PCDHA12: variants seen among roughly 807,000 people sequenced by gnomAD.
The protein encoded by PCDHA12 is protocadherin alpha-12.
PCDHA12 carries 44 observed loss-of-function variants against 60.0 expected under a neutral mutation model. The observed-to-expected ratio is 0.73, with a 90% CI of 0.58 to 0.94. PCDHA12 has a LOEUF of 0.94. PCDHA12 is among the 40% of genes least tolerant of loss of function. The pLI is 0.00. For missense variants in PCDHA12, 1,276 were observed against 1,239.7 expected, an observed-to-expected ratio of 1.03 and a Z score of -0.44; for synonymous variants, 569 against 553.0, an observed-to-expected ratio of 1.03 and a Z score of -0.40.
Position 140,875,346 on chromosome 5 carries a change from T to A in PCDHA12, c.-127T>A. ...TCACGGAATAGGATCGACTCCATAATGACTGTGATGCTGGAAAAAATTTAC... is the reference window on the plus strand; with the variant it reads ...TCACGGAATAGGATCGACTCCATAAAGACTGTGATGCTGGAAAAAATTTAC... On this transcript the variant is annotated 5_prime_UTR_variant, in exon 1 of 4. The change abolishes an upstream ATG in the 5' untranslated region. Transcript: ENST00000398631. The A allele has an allele frequency of 6.9e-7, 1 of 1,443,436 alleles. No individual in the cohort carries two copies. Among genetic ancestry groups the A allele is most frequent in the Non-Finnish European group, 9.1e-7 (1 of 1,101,444 alleles). The allele number at this position is 1,443,436 out of a possible 1,614,324, so 89.4% of individuals were successfully genotyped here.
chr5:140,967,215 G>T (rs782646028), intron 1 of PCDHA12: 1 of 1,613,682 alleles, frequency 6.2e-7, no homozygotes, highest in Non-Finnish European at 8.5e-7. Context: ...CGTTTCCCGC[G>T]GCCCAACTAC....
intron 1 of PCDHA12, among the ~76,000 whole-genome samples, chr5:140,943,373 A>G (rs1554215633): frequency 6.6e-6 from 1 of 152,128 alleles, no homozygotes; most frequent in East Asian, 1.9e-4. Flanking sequence ...TCATTAAAAT[A>G]TACAGGTAAG....
At chr5:140,988,483 C>T (rs2097299555) in intron 3 of PCDHA12, among the ~76,000 whole-genome samples, 2 of 152,030 alleles carry the variant, frequency 1.3e-5, no homozygotes, top group African/African-American at 4.8e-5. Context: ...AATTAGCATC[C>T]CCTACCTAGG....
chr5:140,992,584 T>G (rs1327367703), intron 3 of PCDHA12, among the ~76,000 whole-genome samples: 1 of 152,194 alleles, frequency 6.6e-6, no homozygotes, highest in Non-Finnish European at 1.5e-5. Context: ...CTGCCTTGTA[T>G]GCATCTAGCG....
At chr5:140,952,479 A>C (rs246034) in intron 1 of PCDHA12, among the ~76,000 whole-genome samples, 85,668 of 152,018 alleles carry the variant, frequency 0.56, 24,767 homozygotes, top group African/African-American at 0.69. Flanking sequence ...GGAAAGTGAC[A>C]TTTGCTCCAG....
chr5:140,884,019 C>G, intron 1 of PCDHA12: 1 of 1,613,216 alleles, frequency 6.2e-7, no homozygotes. Flanking sequence ...ATGCCGCGGT[C>G]GGTGGGTGCA....
chr5:140,946,791 T>C (rs1019495660), intron 1 of PCDHA12, among the ~76,000 whole-genome samples: 4 of 151,326 alleles, frequency 2.6e-5, no homozygotes, highest in Non-Finnish European at 4.4e-5. Flanking sequence ...GCTGATCTTA[T>C]AGAAGCAGAG....
rs370307660 is a variant in PCDHA12 at position 140,924,901 on chromosome 5, A to T, written c.2367+47062A>T. On this transcript the variant is annotated intron_variant, in intron 1 of 3. Transcript: ENST00000398631. The stretch of plus-strand genomic sequence containing the variant: ...CAGAGCAAGAACCTGTCTCAAAAAA[A>T]AAAATAAAATAAAATAAAATAAAAT... Among the ~76,000 whole-genome samples, 368 of 80,482 alleles carry T rather than the reference A, an allele frequency of 4.6e-3. 1 individual carries two copies. Among genetic ancestry groups the T allele is most frequent in the East Asian group, 9.1e-3 (17 of 1,868 alleles). The allele number at this position is 80,482 out of a possible 152,430, so 52.8% of individuals were successfully genotyped here. A position where few individuals can be genotyped will look rare whatever the true frequency, so the allele number is the denominator to read the frequency against.
intron 1 of PCDHA12, among the ~76,000 whole-genome samples, chr5:140,923,931 A>T (rs1216808903): frequency 2.6e-5 from 4 of 152,118 alleles, no homozygotes; most frequent in Non-Finnish European, 4.4e-5. Flanking sequence ...CTCTGTATGC[A>T]TTTTTCCTTT....
chr5:140,972,660 AT>A (rs11350929), intron 1 of PCDHA12, among the ~76,000 whole-genome samples: 34,850 of 117,234 alleles, frequency 0.3, 4,025 homozygotes, highest in East Asian at 0.43. Context: ...AAGAAACCAA[AT>A]TTTTTTTTTT....
intron 1 of PCDHA12, among the ~76,000 whole-genome samples, chr5:140,912,273 A>G (rs551128589): frequency 1.3e-5 from 2 of 151,890 alleles, no homozygotes; most frequent in South Asian, 4.2e-4. Flanking sequence ...TCACAGATAT[A>G]CCCAGGAACA....
intron 1 of PCDHA12, among the ~76,000 whole-genome samples, chr5:140,915,164 G>T (rs782783727): frequency 2.6e-5 from 4 of 152,026 alleles, no homozygotes; most frequent in Non-Finnish European, 4.4e-5. Flanking sequence ...GGCCAGGATA[G>T]TCTCGATCTC....
intron 1 of PCDHA12, among the ~76,000 whole-genome samples, chr5:140,891,848 C>T (rs2063280221): frequency 6.6e-6 from 1 of 152,158 alleles, no homozygotes; most frequent in East Asian, 1.9e-4. Flanking sequence ...ATGGAAGGAG[C>T]CTGTCCCTCT....
intron 1 of PCDHA12, chr5:140,967,457 G>A: frequency 6.2e-7 from 1 of 1,613,614 alleles, no homozygotes; most frequent in Non-Finnish European, 8.5e-7. Context: ...CACAGCCGTG[G>A]ATGGGGGCAT....
At chr5:140,970,762 A>C (rs2096431667) in intron 1 of PCDHA12, among the ~76,000 whole-genome samples, 1 of 152,198 alleles carries the variant, frequency 6.6e-6, no homozygotes, top group Admixed American at 6.5e-5. Context: ...TCATTGACAT[A>C]TTGCTGTACA....
Position 140,875,394 on chromosome 5 carries a change from G to T in PCDHA12, c.-79G>T. 1 of 1,476,976 alleles carries T rather than the reference G, an allele frequency of 6.8e-7. No homozygotes were observed. The highest frequency in any genetic ancestry group is 1.4e-5 in the South Asian group (1 of 70,436). The allele number at this position is 1,476,976 out of a possible 1,614,324, so 91.5% of individuals were successfully genotyped here. On this transcript the variant is annotated 5_prime_UTR_variant, in exon 1 of 4. Coordinates refer to ENST00000398631, the MANE Select transcript of PCDHA12 (RefSeq NM_018903.4). ...TACTAAATATGTACTTACAGAAAAGGGTGACTGCTCATAAAATACCTCAGG... is the reference window on the plus strand; with the variant it reads ...TACTAAATATGTACTTACAGAAAAGTGTGACTGCTCATAAAATACCTCAGG...
intron 1 of PCDHA12, among the ~76,000 whole-genome samples, chr5:140,978,488 C>T (rs1453613410): frequency 6.6e-6 from 1 of 152,224 alleles, no homozygotes; most frequent in Non-Finnish European, 1.5e-5. Flanking sequence ...TCTGCAAAGC[C>T]AGCAGCAGAT....
At chr5:140,962,406 T>C (rs1272839882) in intron 1 of PCDHA12, among the ~76,000 whole-genome samples, 1 of 152,218 alleles carries the variant, frequency 6.6e-6, no homozygotes, top group African/African-American at 2.4e-5. Context: ...GCCCCAAACC[T>C]GTCTCTCCCT....
chr5:140,876,977 A>C lies in PCDHA12; in HGVS notation c.1505A>C (p.His502Pro), dbSNP rs782413550. Reference protein sequence around the residue: ...YSLVERRVGEHALSSYVSVHA... With the variant: ...YSLVERRVGEPALSSYVSVHA... ...CTGGTGGAGCGGCGGGTGGGCGAGC[A>C]CGCACTGTCGAGCTACGTGTCGGTG... Residue 502 changes from histidine to proline, a missense_variant, in exon 1 of 4, where the codon CAC (histidine) becomes CCC (proline). His to Pro is a moderately conservative substitution (Grantham distance 77). Transcript: ENST00000398631. 7.4e-6 allele frequency: 12 copies of C among 1,612,554 alleles called. No individual in the cohort carries two copies. Among genetic ancestry groups the C allele is most frequent in the Non-Finnish European group, 1.0e-5 (12 of 1,179,802 alleles).
Sources: allele counts gnomAD v4.1 joint callset (sites outside exome capture counted in the v4.1 genomes callset), GRCh38; gene constraint gnomAD v4.1.1; transcripts MANE v1.5; gene names NCBI Gene and HGNC (gene_info 2026-07-23, HGNC 2026-07-21).